DIXDC1: variants seen among roughly 807,000 people sequenced by gnomAD.
DIXDC1 encodes DIX domain containing 1.
DIXDC1 carries 64 observed loss-of-function variants against 103.1 expected under a neutral mutation model. That is an observed-to-expected ratio of 0.62 (90% CI 0.51 to 0.76). DIXDC1 has a LOEUF of 0.76. Among genes scored for constraint, DIXDC1 ranks in the 30% least tolerant of loss-of-function variants. The probability of loss-of-function intolerance (pLI) is 0.00; values close to 1 mark genes in which losing one functional copy is unlikely to be tolerated. For missense variants in DIXDC1, 759 were observed against 834.2 expected (o/e 0.91, Z 1.11); for synonymous variants, 266 against 298.5 (o/e 0.89, Z 1.12).
intron 5 of DIXDC1, among the ~76,000 whole-genome samples, chr11:111,980,013 A>T (rs782027546): frequency 6.6e-6 from 1 of 152,208 alleles, no homozygotes; most frequent in Non-Finnish European, 1.5e-5. Flanking sequence ...GGACAATTTG[A>T]AAGTATTGTG....
In DIXDC1 at chr11:111,937,526, C is replaced by T; in HGVS notation, c.27C>T (p.Asn9=). MLACLTRG[N]LLDVLQEGFN... ...TGCTAGCCTGCCTGACCCGAGGGAA[C>T]TTACTGGACGTCCTGCAGGAGGGCT... Residue 9 remains asparagine, a synonymous_variant, in exon 1 of 20, where the codon AAC becomes AAT. Coordinates refer to ENST00000440460, the MANE Select transcript of DIXDC1 (RefSeq NM_001037954.4). The T allele has an allele frequency of 6.3e-7, 1 of 1,596,636 alleles. No homozygotes were observed. Among genetic ancestry groups the T allele is most frequent in the South Asian group, 1.1e-5 (1 of 87,792 alleles).
chr11:111,988,322 C>T (rs1423002499), intron 9 of DIXDC1, among the ~76,000 whole-genome samples: 2 of 152,192 alleles, frequency 1.3e-5, no homozygotes, highest in African/African-American at 4.8e-5. Context: ...TTGAGCCCAT[C>T]TGTGGAGTCC....
chr11:111,994,031 A>G (rs1555174997), intron 14 of DIXDC1, among the ~76,000 whole-genome samples: 1 of 152,214 alleles, frequency 6.6e-6, no homozygotes, highest in Admixed American at 6.5e-5. Context: ...ATATGAGATA[A>G]TCCACATAAA....
intron 1 of DIXDC1, among the ~76,000 whole-genome samples, chr11:111,938,904 C>A (rs1483453513): frequency 6.6e-6 from 1 of 152,258 alleles, no homozygotes; most frequent in African/African-American, 2.4e-5. Context: ...ATCTTTGCAT[C>A]CTTCCTGTCT....
intron 5 of DIXDC1, among the ~76,000 whole-genome samples, chr11:111,978,570 G>C (rs1860194861): frequency 1.3e-5 from 2 of 152,166 alleles, no homozygotes; most frequent in Admixed American, 1.3e-4. Context: ...TGGATATCCA[G>C]ACATCCGCCT....
intron 7 of DIXDC1, among the ~76,000 whole-genome samples, chr11:111,984,489 AAT>A (rs1860424375): frequency 6.6e-6 from 1 of 152,130 alleles, no homozygotes; most frequent in African/African-American, 2.4e-5. Context: ...AGTGAGCCAA[AAT>A]CGGGCCACCG....
intron 7 of DIXDC1, among the ~76,000 whole-genome samples, chr11:111,984,338 A>G (rs1317544173): frequency 6.6e-6 from 1 of 152,132 alleles, no homozygotes; most frequent in African/African-American, 2.4e-5. Flanking sequence ...TTGAACTCAC[A>G]GGTTTGAGAC....
chr11:111,982,952 G>A (rs1462039837), intron 7 of DIXDC1, among the ~76,000 whole-genome samples: 1 of 152,214 alleles, frequency 6.6e-6, no homozygotes, highest in Admixed American at 6.5e-5. Flanking sequence ...TAATACATGT[G>A]CAAATGGATG....
intron 7 of DIXDC1, among the ~76,000 whole-genome samples, chr11:111,983,198 T>A (rs2137554893): frequency 6.6e-6 from 1 of 152,356 alleles, no homozygotes; most frequent in Non-Finnish European, 1.5e-5. Flanking sequence ...CTGTTTGTGC[T>A]GGGAACTGCA....
At chr11:111,983,387 C>T (rs587748430) in intron 7 of DIXDC1, among the ~76,000 whole-genome samples, 2 of 152,262 alleles carry the variant, frequency 1.3e-5, no homozygotes, top group East Asian at 1.9e-4. Flanking sequence ...ATTTGCATAA[C>T]GTATGCCCCA....
At chr11:112,014,071 G>A (rs1861512605) in intron 17 of DIXDC1, among the ~76,000 whole-genome samples, 1 of 152,052 alleles carries the variant, frequency 6.6e-6, no homozygotes, top group South Asian at 2.1e-4. Flanking sequence ...TAGTCTTGAG[G>A]AATCTGCCTC....
upstream of DIXDC1, chr11:111,937,205 C>T (rs1216021327): frequency 4.6e-6 from 5 of 1,098,668 alleles, no homozygotes; most frequent in Non-Finnish European, 5.5e-6. Flanking sequence ...TGCGGCTTTC[C>T]CGCAGGAAAG....
At chr11:112,005,059 G>A (rs1861193378) in intron 17 of DIXDC1, among the ~76,000 whole-genome samples, 1 of 152,140 alleles carries the variant, frequency 6.6e-6, no homozygotes, top group Non-Finnish European at 1.5e-5. Context: ...CAAGGATGTC[G>A]AAACCATCAG....
Position 112,017,799 on chromosome 11 carries a change from G to T in DIXDC1, c.1885G>T (p.Asp629Tyr). 1 of 1,610,882 alleles carries T rather than the reference G, an allele frequency of 6.2e-7. No individual in the cohort carries two copies. The highest frequency in any genetic ancestry group is 1.7e-5 in the Admixed American group (1 of 59,650). ...CAGGTTGGAGGAGGTGACGTTAAAG[G>T]ATTTTAAAGCAGCTATTGATCGGGA... ...PKRLEEVTLK[D>Y]FKAAIDREGN... is the part of the protein sequence containing the mutation. The change falls in exon 19 of 20, where the codon GAT becomes TAT. Residue 629 changes from aspartate to tyrosine, a missense_variant. This residue lies in a region of DIXDC1 where 657 missense variants were observed against 727.5 expected (regional missense o/e 0.90). Coordinates refer to ENST00000440460, the MANE Select transcript of DIXDC1 (RefSeq NM_001037954.4). This position sits in a 1 kb window ranked among gnomAD's most constrained non-coding sequence, Gnocchi z 4.0.
chr11:111,995,745 GA>G (rs1566552886), intron 16 of DIXDC1, among the ~76,000 whole-genome samples, 181 bp downstream of exon 16: 1 of 152,084 alleles, frequency 6.6e-6, no homozygotes, highest in East Asian at 1.9e-4. Context: ...TGACAATCCA[GA>G]GAAGAAGTTC....
chr11:111,955,438 G>A (rs1388194787), intron 1 of DIXDC1, among the ~76,000 whole-genome samples: 1 of 151,858 alleles, frequency 6.6e-6, no homozygotes, highest in Non-Finnish European at 1.5e-5. Flanking sequence ...TACTAGATGA[G>A]GAGTCTGGAG....
intron 7 of DIXDC1, among the ~76,000 whole-genome samples, chr11:111,982,893 A>C (rs1234630549): frequency 6.6e-6 from 1 of 152,180 alleles, no homozygotes; most frequent in Non-Finnish European, 1.5e-5. Flanking sequence ...AGAGCCAGTA[A>C]TGCTGCCAGG....
intron 1 of DIXDC1, chr11:111,946,561 A>G (rs998981072): frequency 9.8e-5 from 18 of 184,230 alleles, no homozygotes; most frequent in Non-Finnish European, 1.8e-4. Flanking sequence ...GAGTTTTGCC[A>G]TGCTGGCCAA....
chr11:111,986,939 G>A lies in DIXDC1; in HGVS notation c.1062+15G>A, dbSNP rs1476474472. 3 of 1,558,224 alleles carry A rather than the reference G, an allele frequency of 1.9e-6. No individual in the cohort carries two copies. Among genetic ancestry groups the A allele is most frequent in the Non-Finnish European group, 2.6e-6 (3 of 1,148,740 alleles). Reference sequence around the variant, plus strand: ...AGGACTTAAAGGTATGTCAAGACATGTACATTTTACCCCTTAAAAACATTA... The same window carrying A: ...AGGACTTAAAGGTATGTCAAGACATATACATTTTACCCCTTAAAAACATTA... On this transcript the variant is annotated intron_variant, in intron 9 of 19. Coordinates refer to ENST00000440460, the MANE Select transcript of DIXDC1 (RefSeq NM_001037954.4).
Sources: gnomAD v4.1 joint callset for allele counts (sites outside exome capture counted in the v4.1 genomes callset) on GRCh38, gnomAD v4.1.1 for gene constraint, gnomAD v4.1.1 regional missense constraint, Gnocchi (gnomAD v3.1) non-coding constraint, MANE v1.5 for transcripts, NCBI Gene and HGNC (gene_info 2026-07-23, HGNC 2026-07-21) for gene names.